The following HS3ST5 variants were observed in gnomAD, a reference collection of about 807,000 sequenced individuals.
HS3ST5 encodes the protein heparan sulfate glucosamine 3-O-sulfotransferase 5.
HS3ST5 carries 10 observed loss-of-function variants against 25.4 expected under a neutral mutation model. That is an observed-to-expected ratio of 0.39 (90% CI 0.24 to 0.67). The LOEUF (loss-of-function observed/expected upper bound fraction) is 0.67. HS3ST5 is among the 30% of genes least tolerant of loss of function. The pLI, the probability that HS3ST5 is intolerant of heterozygous loss-of-function variation, is 0.44. For synonymous variants in HS3ST5, 170 were observed against 162.4 expected, an observed-to-expected ratio of 1.05 and a Z score of -0.36; for missense variants, 324 against 420.7, an observed-to-expected ratio of 0.77 and a Z score of 2.01.
In HS3ST5 at chr6:114,239,907, C is replaced by T. The variant is rs913626137; in HGVS notation, c.-338-11129G>A. Among the ~76,000 whole-genome samples, 3 of 151,948 alleles carry T rather than the reference C, an allele frequency of 2.0e-5. No individual in the cohort carries two copies. In the South Asian group the frequency reaches 6.2e-4, roughly 32 times the overall value. On this transcript the variant is annotated intron_variant, in intron 1 of 4. Coordinates refer to ENST00000312719, the MANE Select transcript of HS3ST5 (RefSeq NM_153612.4). ...ATAGCATAACTTCCTTGTTCTAAGC[C>T]ATGGGGGATATAAAGATTCTTAGAT...
At chr6:114,244,514 G>C (rs988727998) in intron 1 of HS3ST5, among the ~76,000 whole-genome samples, 2 of 152,100 alleles carry the variant, frequency 1.3e-5, no homozygotes, top group Non-Finnish European at 2.9e-5. Flanking sequence ...AAAATATCTA[G>C]CTCATTTTTA....
rs74370575 is a variant in HS3ST5 at position 114,079,401 on chromosome 6, T to A, written c.-32-16524A>T. Among the ~76,000 whole-genome samples, 243 of 152,280 alleles carry A rather than the reference T, an allele frequency of 1.6e-3. 1 individual carries two copies. The highest frequency in any genetic ancestry group is 2.9e-3 in the Non-Finnish European group (200 of 68,016). On this transcript the variant is annotated intron_variant, in intron 3 of 4. Coordinates refer to ENST00000312719, the MANE Select transcript of HS3ST5 (RefSeq NM_153612.4). ...CACAGCATCCTCACCAGGAGTAAAT[T>A]CCATTTCAAGAAACCATTTTCTTTG...
chr6:114,180,448 T>C (rs1199718091), intron 2 of HS3ST5, among the ~76,000 whole-genome samples: 1 of 152,146 alleles, frequency 6.6e-6, no homozygotes, highest in Non-Finnish European at 1.5e-5. Context: ...GGTTTGGTTC[T>C]GATGAGGGCC....
intron 1 of HS3ST5, among the ~76,000 whole-genome samples, chr6:114,305,296 CT>C (rs546687678): frequency 6.6e-6 from 1 of 152,068 alleles, no homozygotes; most frequent in Admixed American, 6.6e-5. Context: ...TTTTCTAATA[CT>C]TTTTTCTAAT....
intron 1 of HS3ST5, among the ~76,000 whole-genome samples, chr6:114,275,691 C>T (rs2114716788): frequency 6.6e-6 from 1 of 152,126 alleles, no homozygotes; most frequent in South Asian, 2.1e-4. Flanking sequence ...AGCAGCCATC[C>T]ACAGCACATG....
intron 3 of HS3ST5, among the ~76,000 whole-genome samples, chr6:114,145,841 C>T (rs750568764): frequency 1.2e-4 from 18 of 152,190 alleles, no homozygotes; most frequent in Non-Finnish European, 2.1e-4. Context: ...GATAATTTCT[C>T]ACAGCAGTGC....
chr6:114,061,039 T>A (rs1043236890), intron 4 of HS3ST5, among the ~76,000 whole-genome samples: 34 of 152,132 alleles, frequency 2.2e-4, no homozygotes, highest in African/African-American at 8.2e-4. Flanking sequence ...TCAGACATAA[T>A]CTCAAAGTCT....
chr6:114,095,686 C>G (rs6940137), intron 3 of HS3ST5, among the ~76,000 whole-genome samples: 5 of 151,810 alleles, frequency 3.3e-5, no homozygotes, highest in Admixed American at 3.3e-4. Context: ...CCTGCTTGGA[C>G]CAAATGTTCA....
chr6:114,063,740 CTA>C (rs914235700), intron 3 of HS3ST5, among the ~76,000 whole-genome samples: 18 of 152,292 alleles, frequency 1.2e-4, no homozygotes, highest in African/African-American at 4.3e-4. Context: ...TCAGTGGTGA[CTA>C]TCAGGATGTC....
At chr6:114,107,311 C>CT (rs1353554980) in intron 3 of HS3ST5, among the ~76,000 whole-genome samples, 1 of 152,064 alleles carries the variant, frequency 6.6e-6, no homozygotes, top group Non-Finnish European at 1.5e-5. Flanking sequence ...TTAGTAGATG[C>CT]TAAAAAAGCA....
At chr6:114,319,061 A>T (rs1775859965) in intron 1 of HS3ST5, among the ~76,000 whole-genome samples, 1 of 152,276 alleles carries the variant, frequency 6.6e-6, no homozygotes, top group South Asian at 2.1e-4. Flanking sequence ...GACAAAGTGG[A>T]TATATTTATC....
intron 1 of HS3ST5, among the ~76,000 whole-genome samples, chr6:114,294,090 G>A (rs1774705040): frequency 6.6e-6 from 1 of 152,144 alleles, no homozygotes; most frequent in African/African-American, 2.4e-5. Context: ...TCTCAATAAC[G>A]TGTTAAGGAG....
At chr6:114,324,387 C>G (rs1322098837) in intron 1 of HS3ST5, among the ~76,000 whole-genome samples, 1 of 152,172 alleles carries the variant, frequency 6.6e-6, no homozygotes, top group Non-Finnish European at 1.5e-5. Flanking sequence ...TTTTCTTCAT[C>G]ATTTACACAT....
intron 1 of HS3ST5, among the ~76,000 whole-genome samples, chr6:114,290,160 G>A (rs971732131): frequency 1.3e-5 from 2 of 152,058 alleles, no homozygotes; most frequent in Admixed American, 1.3e-4. Flanking sequence ...TTTTGTGGTT[G>A]TTGTTGTTTC....
At chr6:114,225,851 T>C (rs1366573336) in intron 2 of HS3ST5, among the ~76,000 whole-genome samples, 1 of 151,930 alleles carries the variant, frequency 6.6e-6, no homozygotes, top group Non-Finnish European at 1.5e-5. Context: ...TTAGTTTTCC[T>C]ACCCCAAACT....
chr6:114,074,080 T>G (rs1346470465), intron 3 of HS3ST5, among the ~76,000 whole-genome samples: 1 of 151,526 alleles, frequency 6.6e-6, no homozygotes, highest in Non-Finnish European at 1.5e-5. Context: ...CACTCATAAG[T>G]GGGAGCTGAA....
chr6:114,313,986 T>C (rs1274940091), intron 1 of HS3ST5, among the ~76,000 whole-genome samples: 1 of 152,160 alleles, frequency 6.6e-6, no homozygotes, highest in East Asian at 1.9e-4. Flanking sequence ...AGGGCAGTTG[T>C]GCAATGTCAG....
chr6:114,194,974 T>A (rs1052279718), intron 2 of HS3ST5, among the ~76,000 whole-genome samples: 2 of 152,236 alleles, frequency 1.3e-5, no homozygotes, highest in Non-Finnish European at 2.9e-5. Flanking sequence ...AATAAAGCTC[T>A]CCTTTCCACT....
At chr6:114,083,543 C>CA (rs1293346389) in intron 3 of HS3ST5, among the ~76,000 whole-genome samples, 2 of 112,428 alleles carry the variant, frequency 1.8e-5, no homozygotes, top group Non-Finnish European at 4.1e-5. Context: ...ATTTACATCT[C>CA]AAACAGGCAG....
Sources: allele counts gnomAD v4.1 joint callset (sites outside exome capture counted in the v4.1 genomes callset), GRCh38; gene constraint gnomAD v4.1.1; transcripts MANE v1.5; gene names NCBI Gene and HGNC (gene_info 2026-07-23, HGNC 2026-07-21).